The following RASA2 variants were observed in gnomAD, a reference collection of about 807,000 sequenced individuals.
RASA2 encodes ras GTPase-activating protein 2.
Under a neutral mutation model 118.2 loss-of-function variants are expected in RASA2, and 155 were observed. The ratio of observed to expected loss-of-function variants is 1.31; its 90% CI spans 1.15 to 1.50. RASA2 has a LOEUF of 1.50. Ranked by LOEUF, RASA2 falls within the 40% of genes most tolerant of loss-of-function variation. The pLI, the probability that RASA2 is intolerant of heterozygous loss-of-function variation, is 0.00. For missense variants in RASA2, 1,016 were observed against 1,009.6 expected, an observed-to-expected ratio of 1.01 and a Z score of -0.09; for synonymous variants, 353 against 349.1, an observed-to-expected ratio of 1.01 and a Z score of -0.12.
intron 7 of RASA2, 49 bp downstream of exon 7, chr3:141,555,961 A>G (rs2082643788): frequency 7.3e-7 from 1 of 1,374,490 alleles, no homozygotes; most frequent in Non-Finnish European, 1.0e-6. Context: ...GTAATATTTA[A>G]TGCTAGTTGA....
At chr3:141,509,632 C>T (rs1386565148) in intron 1 of RASA2, among the ~76,000 whole-genome samples, 2 of 151,832 alleles carry the variant, frequency 1.3e-5, no homozygotes, top group South Asian at 2.1e-4. Context: ...AGAAGGGAGA[C>T]GTCAAAGAAA....
intron 1 of RASA2, among the ~76,000 whole-genome samples, chr3:141,495,591 A>G (rs1337185161): frequency 3.3e-5 from 5 of 152,000 alleles, no homozygotes; most frequent in Non-Finnish European, 7.3e-5. Context: ...GGTTTAGGGA[A>G]ATAAGTATTT....
intron 19 of RASA2, among the ~76,000 whole-genome samples, chr3:141,598,540 A>G (rs1211488525): frequency 4.6e-5 from 7 of 152,324 alleles, no homozygotes; most frequent in Admixed American, 1.3e-4. Flanking sequence ...AATACTGAAG[A>G]TTTTAGCCAA....
chr3:141,562,387 C>G (rs13085078), intron 9 of RASA2, among the ~76,000 whole-genome samples: 146,781 of 146,790 alleles, frequency 1, 73,386 homozygotes, highest in Middle Eastern at 1. Context: ...ACTTTGGGAG[C>G]GCAAGGCAGG....
rs56396460 is a variant in RASA2, at chr3:141,584,330, CAAAAAAAAAAAAAAA to C, written c.1753-1684_1753-1670del. Among the ~76,000 whole-genome samples the C allele has an allele frequency of 4.3e-3, 262 of 60,712 alleles. 1 individual carries two copies. The highest frequency in any genetic ancestry group is 6.9e-3 in the Non-Finnish European group (212 of 30,792). 39.8% of individuals were successfully genotyped at this position (60,712 alleles called of 152,430 possible). A position where few individuals can be genotyped will look rare whatever the true frequency, so the allele number is the denominator to read the frequency against. On this transcript the variant is annotated intron_variant, in intron 17 of 23. Coordinates refer to ENST00000286364, the MANE Select transcript of RASA2 (RefSeq NM_006506.5). ...TGGGCGACAGAACAAAACTCCATCC[CAAAAAAAAAAAAAAA>C]AAAAAAAAAAGAAAGGAAAAAGGAA...
chr3:141,543,575 T>C (rs2082436760), intron 5 of RASA2, among the ~76,000 whole-genome samples: 1 of 152,204 alleles, frequency 6.6e-6, no homozygotes, highest in African/African-American at 2.4e-5. Flanking sequence ...CTTAACATTC[T>C]TTTAGAGTAA....
At chr3:141,579,814 G>A (rs763546706) in intron 15 of RASA2, among the ~76,000 whole-genome samples, 3 of 151,478 alleles carry the variant, frequency 2.0e-5, no homozygotes, top group South Asian at 2.1e-4. Flanking sequence ...CCAGCACTTC[G>A]GGAGGCCAAG....
At chr3:141,534,141 G>T (rs1292220652) in intron 4 of RASA2, among the ~76,000 whole-genome samples, 8 of 152,178 alleles carry the variant, frequency 5.3e-5, no homozygotes, top group African/African-American at 1.7e-4. Flanking sequence ...GTGAACTACA[G>T]CCGTGCTATT....
chr3:141,491,139 G>GCTTA (rs2081635724), intron 1 of RASA2, among the ~76,000 whole-genome samples: 1 of 152,204 alleles, frequency 6.6e-6, no homozygotes, highest in Non-Finnish European at 1.5e-5. Context: ...TTATCTTGAA[G>GCTTA]CTTACCTTCC....
intron 3 of RASA2, among the ~76,000 whole-genome samples, chr3:141,519,703 G>T (rs1255127486): frequency 6.6e-6 from 1 of 152,024 alleles, no homozygotes; most frequent in African/African-American, 2.4e-5. Flanking sequence ...TCTTCTGTTT[G>T]TAGCAAACTG....
intron 19 of RASA2, among the ~76,000 whole-genome samples, chr3:141,604,345 C>G (rs1199809846): frequency 6.6e-6 from 1 of 152,064 alleles, no homozygotes; most frequent in Non-Finnish European, 1.5e-5. Flanking sequence ...CTTTCTGTCT[C>G]TATCTAGTGA....
chr3:141,540,916 T>C (rs1301999963), intron 5 of RASA2, among the ~76,000 whole-genome samples: 1 of 152,148 alleles, frequency 6.6e-6, no homozygotes, highest in East Asian at 1.9e-4. Context: ...AAGAAGGTCC[T>C]CTAGAAATTG....
chr3:141,572,061 T>TACAC (rs374643522), intron 11 of RASA2, among the ~76,000 whole-genome samples: 9 of 98,248 alleles, frequency 9.2e-5, no homozygotes, highest in Non-Finnish European at 1.3e-4. Flanking sequence ...TATATATATA[T>TACAC]ACACACACAC....
intron 4 of RASA2, among the ~76,000 whole-genome samples, chr3:141,539,048 C>G (rs1057208398): frequency 6.6e-6 from 1 of 152,066 alleles, no homozygotes; most frequent in Non-Finnish European, 1.5e-5. Context: ...AATTTTTGTG[C>G]CGTTGGCTTG....
intron 7 of RASA2, among the ~76,000 whole-genome samples, chr3:141,556,158 C>T (rs1478485432): frequency 2.0e-5 from 3 of 152,236 alleles, no homozygotes; most frequent in Non-Finnish European, 2.9e-5. Context: ...GTCATCCTCA[C>T]TATTCATGCC....
Position 141,540,747 on chromosome 3 carries a change from G to C in RASA2, c.527+138G>C, listed in dbSNP as rs1025665626. 8.6e-6 allele frequency: 6 copies of C among 696,870 alleles called. No homozygotes were observed. The East Asian group carries it at 1.6e-4, about 19-fold the overall frequency. 43.2% of individuals were successfully genotyped at this position (696,870 alleles called of 1,614,324 possible). On this transcript the variant is annotated intron_variant, in intron 5 of 23. Coordinates refer to ENST00000286364, the MANE Select transcript of RASA2 (RefSeq NM_006506.5). The stretch of plus-strand genomic sequence containing the variant: ...TCTGCTATGTCATTCCTTTTGTGAA[G>C]TTGATTTTCAATTTAATTTTCTCAT...
rs1441944668 is a variant in RASA2, at chr3:141,487,886, C to CG, written c.133+673dup. 2.6e-5 allele frequency among the ~76,000 whole-genome samples: 4 copies of CG among 152,266 alleles called. No individual in the cohort carries two copies. In the East Asian group the frequency reaches 7.7e-4, roughly 29 times the overall value. On this transcript the variant is annotated intron_variant, in intron 1 of 23. Coordinates refer to ENST00000286364, the MANE Select transcript of RASA2 (RefSeq NM_006506.5). ...TGTACTTGCCCCACCTCGCTGCGGC[C>CG]GGGACTTGAATCGAGGGACGGCGTG... is the stretch of plus-strand genomic sequence containing the variant.
At chr3:141,608,829 A>G (rs769859228) in intron 21 of RASA2, 132 bp downstream of exon 21, 3 of 993,518 alleles carry the variant, frequency 3.0e-6, no homozygotes, top group Non-Finnish European at 4.4e-6. Flanking sequence ...TTGAAAAATT[A>G]TGCTAAGTGA....
At chr3:141,577,429 A>G (rs2083031589) in intron 15 of RASA2, among the ~76,000 whole-genome samples, 1 of 152,062 alleles carries the variant, frequency 6.6e-6, no homozygotes, top group Non-Finnish European at 1.5e-5. Flanking sequence ...TTCATTAGTT[A>G]CAGGTTTCAT....
Sources: allele counts gnomAD v4.1 joint callset (sites outside exome capture counted in the v4.1 genomes callset), GRCh38; gene constraint gnomAD v4.1.1; transcripts MANE v1.5; gene names NCBI Gene and HGNC (gene_info 2026-07-23, HGNC 2026-07-21).